CPB2: variants seen among roughly 807,000 people sequenced by gnomAD.
CPB2 encodes carboxypeptidase B-like protein.
CPB2 carries 54 observed loss-of-function variants against 57.0 expected under a neutral mutation model. The observed-to-expected ratio is 0.95, with a 90% CI of 0.76 to 1.19. The LOEUF (loss-of-function observed/expected upper bound fraction) is 1.19. Ranked by LOEUF, CPB2 falls within the 50% of genes most tolerant of loss-of-function variation. CPB2 has a pLI of 0.00. For synonymous variants in CPB2, 189 were observed against 178.1 expected, an observed-to-expected ratio of 1.06 and a Z score of -0.49; for missense variants, 426 against 512.0, an observed-to-expected ratio of 0.83 and a Z score of 1.62.
chr13:46,077,201 A>C (rs1308773162), intron 5 of CPB2, among the ~76,000 whole-genome samples: 1 of 152,188 alleles, frequency 6.6e-6, no homozygotes, highest in Admixed American at 6.5e-5. Context: ...ACCAGAATAT[A>C]TAAGGAACGC....
intron 4 of CPB2, 107 bp from the exon 5 acceptor site, chr13:46,079,008 G>T: frequency 1.5e-6 from 1 of 680,094 alleles, no homozygotes; most frequent in Non-Finnish European, 2.6e-6. Context: ...TCTGTATGTG[G>T]AATGCACGAG....
At chr13:46,064,778 C>T (rs746544456) in intron 7 of CPB2, 37 bp from the exon 8 acceptor site, 14 of 1,563,678 alleles carry the variant, frequency 9.0e-6, no homozygotes, top group Non-Finnish European at 1.2e-5. Flanking sequence ...ACCTGGGTAG[C>T]CACGTTCAAG....
intron 6 of CPB2, 69 bp from the exon 7 acceptor site, chr13:46,067,486 C>CT (rs1342374716): frequency 7.6e-5 from 61 of 807,868 alleles, no homozygotes; most frequent in Admixed American, 1.4e-4. Flanking sequence ...GTTTCTTTTT[C>CT]TTTTTTTTAA....
chr13:46,055,903 A>G, intron 9 of CPB2, 54 bp from the exon 10 acceptor site: 1 of 1,021,986 alleles, frequency 9.8e-7, no homozygotes, highest in South Asian at 1.5e-5. Flanking sequence ...GAAACATGAC[A>G]AGTAGAAGTT....
chr13:46,095,258 T>C (rs2045348942), intron 1 of CPB2, among the ~76,000 whole-genome samples: 1 of 151,800 alleles, frequency 6.6e-6, no homozygotes, highest in South Asian at 2.1e-4. Flanking sequence ...AGAGCTATCA[T>C]AGTGGGAAAA....
rs144365707 is a variant in CPB2, at chr13:46,092,219, A to G, written c.75-4399T>C. 7.5e-3 allele frequency among the ~76,000 whole-genome samples: 1,135 copies of G among 152,326 alleles called. 12 individuals are homozygous for G. The highest frequency in any genetic ancestry group is 0.025 in the African/African-American group (1,054 of 41,564). On this transcript the variant is annotated intron_variant, in intron 1 of 10. Transcript: ENST00000181383. ...ATAACTAAAAACCTGGACAAAATGT[A>G]TGGAACAACAGCACTCAAGACATTA...
At chr13:46,055,734 C>A (rs1382344900) in intron 10 of CPB2, 28 bp downstream of exon 10, 5 of 1,389,704 alleles carry the variant, frequency 3.6e-6, no homozygotes, top group Non-Finnish European at 4.0e-6. Context: ...GCTCAAAGTT[C>A]TCTAAGATCA....
chr13:46,065,477 A>G (rs759615460), intron 7 of CPB2, among the ~76,000 whole-genome samples: 1 of 151,960 alleles, frequency 6.6e-6, no homozygotes, highest in Non-Finnish European at 1.5e-5. Context: ...ATACGAAAAA[A>G]TTAGCCAGGC....
chr13:46,055,682 T>A, intron 10 of CPB2, 80 bp downstream of exon 10: 1 of 801,068 alleles, frequency 1.2e-6, no homozygotes. Flanking sequence ...TCAGAAAAAT[T>A]AAATACACAA....
At chr13:46,100,458 A>C (rs1259970722) in intron 1 of CPB2, 1 of 151,432 alleles carries the variant, frequency 6.6e-6, no homozygotes, top group Admixed American at 6.6e-5. Flanking sequence ...AAGCTGTCAG[A>C]GTGGAAAGAG....
In CPB2 at chr13:46,090,682, C is replaced by T. The variant is rs189915688; in HGVS notation, c.75-2862G>A. ...CAGCCCATTTATCTATTCTTTAATG[C>T]CTTTCCAAAAGTTTTACAATTTTAT... On this transcript the variant is annotated intron_variant, in intron 1 of 10. Transcript: ENST00000181383. 4.9e-3 allele frequency among the ~76,000 whole-genome samples: 729 copies of T among 149,360 alleles called. 4 individuals are homozygous for T. Among genetic ancestry groups the T allele is most frequent in the Admixed American group, 9.1e-3 (136 of 14,924 alleles).
chr13:46,074,992 C>T (rs909211393), intron 5 of CPB2, among the ~76,000 whole-genome samples: 2 of 152,150 alleles, frequency 1.3e-5, no homozygotes, highest in African/African-American at 2.4e-5. Context: ...TGCGTGGCCG[C>T]GTTCCTAACA....
intron 8 of CPB2, among the ~76,000 whole-genome samples, chr13:46,060,339 G>A (rs770402333): frequency 2.0e-5 from 3 of 151,582 alleles, no homozygotes; most frequent in African/African-American, 7.3e-5. Flanking sequence ...GTGCACGCCT[G>A]TAATCCCAGC....
chr13:46,078,657 AGCC>A (rs2045059932), intron 5 of CPB2, 140 bp downstream of exon 5: 2 of 631,960 alleles, frequency 3.2e-6, no homozygotes, highest in Admixed American at 5.5e-5. Context: ...ACCCCTAAAT[AGCC>A]AGGTATTAAA....
chr13:46,102,591 A>ACTT (rs2045449811), intron 1 of CPB2, among the ~76,000 whole-genome samples: 1 of 55,784 alleles, frequency 1.8e-5, no homozygotes, highest in Non-Finnish European at 3.7e-5. Context: ...CCAGACTGTT[A>ACTT]GTTTTTTTTT....
rs1275119372 is a variant in CPB2, at chr13:46,076,336, A to G, written c.487-2359T>C. Among the ~76,000 whole-genome samples the G allele has an allele frequency of 2.0e-5, 3 of 152,140 alleles. No homozygotes were observed. In the South Asian group the frequency reaches 6.2e-4, roughly 31 times the overall value. ...AGCACACAAAATCAGTAGCATTTAT[A>G]TACAACAATAGCAGACAACCTAAAA... is the stretch of plus-strand genomic sequence containing the variant. On this transcript the variant is annotated intron_variant, in intron 5 of 10. Coordinates refer to ENST00000181383, the MANE Select transcript of CPB2 (RefSeq NM_001872.5).
At chr13:46,078,586 G>T (rs1224623427) in intron 5 of CPB2, among the ~76,000 whole-genome samples, 2 of 152,102 alleles carry the variant, frequency 1.3e-5, no homozygotes, top group Non-Finnish European at 2.9e-5. Flanking sequence ...GTGTCCTTGT[G>T]GGAGGAGATT....
intron 1 of CPB2, among the ~76,000 whole-genome samples, chr13:46,089,475 G>A (rs898382759): frequency 2.0e-5 from 3 of 152,180 alleles, no homozygotes; most frequent in Admixed American, 2.0e-4. Context: ...AGCCTCAAAT[G>A]TGGAGTTGCA....
rs371211638 is a variant in CPB2, at chr13:46,084,202, T to C, written c.275+17A>G. The C allele has an allele frequency of 5.6e-6, 9 of 1,613,976 alleles. No homozygotes were observed. Among genetic ancestry groups the C allele is most frequent in the Non-Finnish European group, 7.6e-6 (9 of 1,179,864 alleles). ...GTGTTTATAATAACTACTCAATACG[T>C]ATTGAACGGTGCCTACCTGCATGGA... On this transcript the variant is annotated intron_variant, in intron 3 of 10. Coordinates refer to ENST00000181383, the MANE Select transcript of CPB2 (RefSeq NM_001872.5).
Sources: gnomAD v4.1 joint callset for allele counts (sites outside exome capture counted in the v4.1 genomes callset) on GRCh38, gnomAD v4.1.1 for gene constraint, MANE v1.5 for transcripts, NCBI Gene and HGNC (gene_info 2026-07-23, HGNC 2026-07-21) for gene names.